Variants in FBXL13 observed in about 807,000 individuals in gnomAD.
The protein encoded by FBXL13 is F-box and leucine-rich repeat protein 13.
A neutral mutation model predicts 83.6 loss-of-function variants in FBXL13; 67 were observed. The ratio of observed to expected loss-of-function variants is 0.80; its 90% CI spans 0.66 to 0.98. The LOEUF (loss-of-function observed/expected upper bound fraction) is 0.98. FBXL13 is among the 50% of genes least tolerant of loss of function. The pLI, the probability that FBXL13 is intolerant of heterozygous loss-of-function variation, is 0.00. For synonymous variants in FBXL13, 272 were observed against 299.5 expected, an observed-to-expected ratio of 0.91 and a Z score of 0.95; for missense variants, 822 against 866.5, an observed-to-expected ratio of 0.95 and a Z score of 0.64.
At chr7:102,971,716 A>T (rs1270771805) in intron 6 of FBXL13, among the ~76,000 whole-genome samples, 2 of 152,106 alleles carry the variant, frequency 1.3e-5, no homozygotes, top group Non-Finnish European at 2.9e-5. Context: ...TGGGTAACAT[A>T]GCAAGACTCT....
Position 102,877,590 on chromosome 7 carries a change from G to T in FBXL13, c.1512C>A (p.Cys504Ter). 6.2e-7 allele frequency: 1 copy of T among 1,604,274 alleles called. No homozygotes were observed. Among genetic ancestry groups the T allele is most frequent in the Middle Eastern group, 1.7e-4 (1 of 5,878 alleles). Residue 504 changes from cysteine (C) to a stop codon, truncating the protein, a stop_gained, in exon 16 of 20, where the codon TGC becomes TGA. Transcript: ENST00000313221. LOFTEE classifies it high-confidence loss of function. ...GTAAACTCAAGTAGTTTAAATTAGG[G>T]CAGCTAAAAGAAAGTAGCATGGATT...
intron 16 of FBXL13, among the ~76,000 whole-genome samples, chr7:102,859,041 A>G (rs1372402567): frequency 2.0e-5 from 3 of 149,648 alleles, no homozygotes; most frequent in African/African-American, 7.7e-5. Context: ...GATTGATGTA[A>G]TAATTGTATA....
chr7:102,913,622 A>G (rs1815212376), intron 10 of FBXL13, among the ~76,000 whole-genome samples: 1 of 152,230 alleles, frequency 6.6e-6, no homozygotes, highest in Non-Finnish European at 1.5e-5. Context: ...CAAAATATAT[A>G]AAAGGACAAA....
Position 102,913,829 on chromosome 7 carries a change from C to G in FBXL13, c.879-614G>C, listed in dbSNP as rs577843787. ...GACTAATTGATATGCAGAGTTTAAG[C>G]ATGGATTAAGAAGACCAGTTTGCAA... On this transcript the variant is annotated intron_variant, in intron 10 of 19. Coordinates refer to ENST00000313221, the Ensembl canonical transcript of FBXL13. 5.9e-5 allele frequency among the ~76,000 whole-genome samples: 9 copies of G among 152,234 alleles called. No homozygotes were observed. In the South Asian group the frequency reaches 1.9e-3, roughly 32 times the overall value.
chr7:102,929,131 T>G (rs1329337714), intron 9 of FBXL13, among the ~76,000 whole-genome samples: 1 of 152,006 alleles, frequency 6.6e-6, no homozygotes, highest in Non-Finnish European at 1.5e-5. Context: ...AGTGGAGGAG[T>G]TCTGAGGGTC....
rs752162351 is a variant in FBXL13 at position 102,963,624 on chromosome 7, A to C, written c.633T>G (p.Tyr211Ter). ...GCCACCTTTGCAAAGTAGACACTAT[A>C]TATTTATCTGGAATCACATTTTTCA... is the stretch of plus-strand genomic sequence containing the variant. Residue 211 changes from tyrosine (Y) to a stop codon, truncating the protein, a stop_gained, in exon 8 of 20, where the codon TAT becomes TAG. Coordinates refer to ENST00000313221, the Ensembl canonical transcript of FBXL13. LOFTEE classifies it high-confidence loss of function. The C allele has an allele frequency of 3.1e-6, 5 of 1,607,730 alleles. No individual in the cohort carries two copies. In the Admixed American group the frequency reaches 5.1e-5, roughly 17 times the overall value.
At chr7:102,929,975 A>C (rs1584993374) in intron 9 of FBXL13, among the ~76,000 whole-genome samples, 1 of 152,274 alleles carries the variant, frequency 6.6e-6, no homozygotes, top group South Asian at 2.1e-4. Context: ...ACCCGATAGC[A>C]TTGAAGAGTG....
At chr7:102,870,481 ATTAAC>A (rs1347772190) in intron 16 of FBXL13, among the ~76,000 whole-genome samples, 15 of 152,240 alleles carry the variant, frequency 9.9e-5, no homozygotes, top group Non-Finnish European at 2.1e-4. Flanking sequence ...AATTGGCACT[ATTAAC>A]TTATGTCAAG....
intron 7 of FBXL13, among the ~76,000 whole-genome samples, chr7:102,966,602 C>G (rs906271762): frequency 3.9e-5 from 6 of 152,108 alleles, no homozygotes; most frequent in Non-Finnish European, 7.3e-5. Flanking sequence ...TAGATAAAGA[C>G]CAAGAGCATT....
At chr7:102,947,826 A>AT (rs1405938991) in intron 8 of FBXL13, among the ~76,000 whole-genome samples, 2 of 151,904 alleles carry the variant, frequency 1.3e-5, no homozygotes, top group African/African-American at 4.8e-5. Context: ...AGATTCTCTG[A>AT]TTTTTCTGAA....
At chr7:102,867,084 C>T (rs1341360157) in intron 16 of FBXL13, among the ~76,000 whole-genome samples, 2 of 152,152 alleles carry the variant, frequency 1.3e-5, no homozygotes, top group Non-Finnish European at 2.9e-5. Flanking sequence ...CCAGGCATGA[C>T]AGCTGACGCC....
intron 11 of FBXL13, among the ~76,000 whole-genome samples, chr7:102,894,058 C>T (rs1395421532): frequency 1.3e-5 from 2 of 152,190 alleles, no homozygotes; most frequent in East Asian, 1.9e-4. Context: ...CCTCCCCTGA[C>T]TCTTGCTTTG....
exon 4 of FBXL13, chr7:103,028,695 A>G: frequency 3.1e-6 from 5 of 1,600,862 alleles, no homozygotes; most frequent in Non-Finnish European, 4.3e-6. Flanking sequence ...TGCTCTGTTC[A>G]TTTTTTCAGC....
chr7:102,904,232 T>C (rs147736865), intron 11 of FBXL13, among the ~76,000 whole-genome samples: 4 of 152,188 alleles, frequency 2.6e-5, no homozygotes, highest in African/African-American at 9.6e-5. Context: ...GTAGCTTGTA[T>C]GTGTCTAGGA....
chr7:102,906,956 T>G (rs1448807287), intron 11 of FBXL13, among the ~76,000 whole-genome samples: 3 of 152,010 alleles, frequency 2.0e-5, no homozygotes, highest in Admixed American at 6.6e-5. Context: ...ATTGGGTTTT[T>G]TTTGTTTGTT....
In FBXL13 at chr7:102,890,979, A is replaced by C. The variant is rs79124221; in HGVS notation, c.1009-6667T>G. Among the ~76,000 whole-genome samples, 579 of 152,324 alleles carry C rather than the reference A, an allele frequency of 3.8e-3. 5 individuals carry two copies. Among genetic ancestry groups the C allele is most frequent in the African/African-American group, 0.014 (572 of 41,582 alleles). On this transcript the variant is annotated intron_variant, in intron 11 of 19. Coordinates refer to ENST00000313221, the Ensembl canonical transcript of FBXL13. ...TTTTTATGTCCTCTTAGTGAACTCA[A>C]AGGAGCCTGACTTAGCAAGTAGAAT...
At chr7:102,833,783 A>G (rs2129447744) in intron 17 of FBXL13, among the ~76,000 whole-genome samples, 1 of 151,982 alleles carries the variant, frequency 6.6e-6, no homozygotes, top group South Asian at 2.1e-4. Context: ...AAATGCTGAA[A>G]TGTTCACCTG....
intron 8 of FBXL13, among the ~76,000 whole-genome samples, chr7:102,957,670 A>G (rs1293682640): frequency 2.0e-5 from 3 of 152,106 alleles, no homozygotes; most frequent in Non-Finnish European, 2.9e-5. Context: ...TCTACAAAGA[A>G]CTCAAACAAA....
intron 8 of FBXL13, among the ~76,000 whole-genome samples, chr7:102,963,249 A>T (rs1283514435): frequency 6.6e-6 from 1 of 151,440 alleles, no homozygotes; most frequent in Non-Finnish European, 1.5e-5. Flanking sequence ...TGAACCCAGG[A>T]GCCGGAGGTT....
Sources: gnomAD v4.1 joint callset for allele counts (sites outside exome capture counted in the v4.1 genomes callset) on GRCh38, gnomAD v4.1.1 for gene constraint, MANE v1.5 for transcripts, NCBI Gene and HGNC (gene_info 2026-07-23, HGNC 2026-07-21) for gene names.